IQCM: variants seen among roughly 807,000 people sequenced by gnomAD.
IQCM encodes the protein IQ domain-containing protein M.
Under a neutral mutation model 57.6 loss-of-function variants are expected in IQCM, and 45 were observed. The observed-to-expected ratio is 0.78, with a 90% CI of 0.62 to 1.00. The LOEUF is 1.00. Among genes scored for constraint, IQCM ranks in the 50% least tolerant of loss-of-function variants. The pLI, the probability that IQCM is intolerant of heterozygous loss-of-function variation, is 0.00. For missense variants in IQCM, 468 were observed against 511.6 expected, an observed-to-expected ratio of 0.91 and a Z score of 0.82; for synonymous variants, 148 against 158.9, an observed-to-expected ratio of 0.93 and a Z score of 0.51.
At chr4:149,616,439 C>T (rs968829171) in intron 8 of IQCM, among the ~76,000 whole-genome samples, 8 of 151,814 alleles carry the variant, frequency 5.3e-5, no homozygotes, top group African/African-American at 1.7e-4. Flanking sequence ...AAGGGAGAGA[C>T]GTAGAGACAA....
At chr4:149,791,336 A>G (rs1397103273) in intron 2 of IQCM, among the ~76,000 whole-genome samples, 3 of 152,154 alleles carry the variant, frequency 2.0e-5, no homozygotes, top group Non-Finnish European at 4.4e-5. Flanking sequence ...GGTACATGTA[A>G]TATTTTGATA....
chr4:149,619,107 G>GATATATATAGATATATAT (rs1756069012), intron 8 of IQCM, among the ~76,000 whole-genome samples: 3 of 126,762 alleles, frequency 2.4e-5, no homozygotes, highest in African/African-American at 9.3e-5. Flanking sequence ...ATGTGGGATG[G>GATATATATAGATATATAT]ATATATATAT....
At chr4:149,354,363 CAAAAAAAAAA>C (rs70965178) in intron 13 of IQCM, among the ~76,000 whole-genome samples, 438 of 20,262 alleles carry the variant, frequency 0.022, 22 homozygotes, top group African/African-American at 0.083. Context: ...GACTCCGTCT[CAAAAAAAAAA>C]AAAAAAAAAA....
chr4:149,547,076 G>A (rs1465371443), intron 12 of IQCM, among the ~76,000 whole-genome samples: 2 of 152,060 alleles, frequency 1.3e-5, no homozygotes, highest in Non-Finnish European at 2.9e-5. Flanking sequence ...ATTAAATAGG[G>A]AATCCTTTCC....
chr4:149,795,500 C>T (rs1773030530), intron 2 of IQCM, among the ~76,000 whole-genome samples: 1 of 152,148 alleles, frequency 6.6e-6, no homozygotes, highest in Non-Finnish European at 1.5e-5. Flanking sequence ...AAATAAACTT[C>T]ACAAGGCCAC....
chr4:149,712,081 C>G (rs754998235), intron 5 of IQCM, among the ~76,000 whole-genome samples: 3 of 152,142 alleles, frequency 2.0e-5, no homozygotes, highest in Non-Finnish European at 4.4e-5. Context: ...TGCTTCAGAG[C>G]AGTGCCAGCT....
chr4:149,607,882 G>T (rs866181321), intron 8 of IQCM, among the ~76,000 whole-genome samples: 12 of 151,850 alleles, frequency 7.9e-5, no homozygotes, highest in Non-Finnish European at 1.2e-4. Flanking sequence ...GAGGGAAAAA[G>T]GAGACAAATA....
chr4:149,364,842 T>G (rs1357429541), intron 13 of IQCM, among the ~76,000 whole-genome samples: 1 of 152,114 alleles, frequency 6.6e-6, no homozygotes, highest in Non-Finnish European at 1.5e-5. Flanking sequence ...AATATAAGGT[T>G]CATTAAAAGT....
At chr4:149,372,564 T>C (rs1287414398) in intron 13 of IQCM, among the ~76,000 whole-genome samples, 1 of 152,108 alleles carries the variant, frequency 6.6e-6, no homozygotes, top group Non-Finnish European at 1.5e-5. Flanking sequence ...TAAGGTCACA[T>C]AGACAGTAAT....
intron 7 of IQCM, among the ~76,000 whole-genome samples, chr4:149,650,860 A>C (rs1579852319): frequency 6.6e-6 from 1 of 152,306 alleles, no homozygotes; most frequent in African/African-American, 2.4e-5. Context: ...TATGAACTGT[A>C]ATTGTTTCAA....
chr4:149,583,875 T>C (rs544681152), intron 9 of IQCM, among the ~76,000 whole-genome samples: 2 of 151,524 alleles, frequency 1.3e-5, no homozygotes, highest in South Asian at 4.1e-4. Flanking sequence ...TATTTTATAT[T>C]AAGGATACTA....
chr4:149,698,212 T>C (rs12511533), intron 5 of IQCM, among the ~76,000 whole-genome samples: 4,097 of 152,140 alleles, frequency 0.027, 129 homozygotes, highest in South Asian at 0.14. Context: ...TAGCCATGTG[T>C]TAGGGACCAT....
intron 9 of IQCM, among the ~76,000 whole-genome samples, chr4:149,572,994 A>G (rs1751305394): frequency 6.6e-6 from 1 of 151,856 alleles, no homozygotes; most frequent in African/African-American, 2.4e-5. Context: ...CCTAAGTATG[A>G]AAAAAGCTAT....
At chr4:149,450,295 C>T (rs971850257) in intron 12 of IQCM, among the ~76,000 whole-genome samples, 1 of 151,664 alleles carries the variant, frequency 6.6e-6, no homozygotes, top group Non-Finnish European at 1.5e-5. Context: ...AGAGACTGGT[C>T]TGGGAAAACA....
At chr4:149,648,940 A>T (rs1758905784) in intron 7 of IQCM, among the ~76,000 whole-genome samples, 1 of 152,124 alleles carries the variant, frequency 6.6e-6, no homozygotes, top group Non-Finnish European at 1.5e-5. Flanking sequence ...AAAAAGAAAA[A>T]ATAATTTGCG....
intron 5 of IQCM, among the ~76,000 whole-genome samples, chr4:149,704,024 G>A (rs548735997): frequency 6.6e-6 from 1 of 151,838 alleles, no homozygotes; most frequent in East Asian, 1.9e-4. Context: ...GGTGGAGCAG[G>A]AGCCTCCAAT....
At chr4:149,369,458 T>A (rs770675613) in intron 13 of IQCM, among the ~76,000 whole-genome samples, 5 of 152,072 alleles carry the variant, frequency 3.3e-5, no homozygotes, top group Non-Finnish European at 5.9e-5. Flanking sequence ...CTAAAAAAAA[T>A]GTGTACAAAT....
At chr4:149,423,491 T>A (rs921442154) in intron 13 of IQCM, among the ~76,000 whole-genome samples, 1 of 152,132 alleles carries the variant, frequency 6.6e-6, no homozygotes, top group African/African-American at 2.4e-5. Flanking sequence ...TTGAGTGGAC[T>A]CTTTCTGTGA....
chr4:149,683,483 T>C (rs1762337897), intron 6 of IQCM, among the ~76,000 whole-genome samples: 1 of 151,320 alleles, frequency 6.6e-6, no homozygotes, highest in Non-Finnish European at 1.5e-5. Context: ...TCTATTAATT[T>C]GACTGTCACT....
Sources: gnomAD v4.1 joint callset for allele counts (sites outside exome capture counted in the v4.1 genomes callset) on GRCh38, gnomAD v4.1.1 for gene constraint, MANE v1.5 for transcripts, NCBI Gene and HGNC (gene_info 2026-07-23, HGNC 2026-07-21) for gene names.